DNAH12: variants seen among roughly 807,000 people sequenced by gnomAD.
The protein encoded by DNAH12 is dynein axonemal heavy chain 12, also known as axonemal beta dynein heavy chain 12.
DNAH12 carries 285 observed loss-of-function variants against 371.5 expected under a neutral mutation model. The ratio of observed to expected loss-of-function variants is 0.77; its 90% CI spans 0.70 to 0.85. The LOEUF is 0.85. Among genes scored for constraint, DNAH12 ranks in the 40% least tolerant of loss-of-function variants. DNAH12 has a pLI of 0.00. For synonymous variants in DNAH12, 1,200 were observed against 1,213.0 expected (o/e 0.99, Z 0.22); for missense variants, 3,611 against 3,689.4 (o/e 0.98, Z 0.55).
chr3:57,550,843 T>G, the DNAH12 span, among the ~76,000 whole-genome samples: 1 of 151,726 alleles, frequency 6.6e-6, no homozygotes, highest in African/African-American at 2.4e-5. Flanking sequence ...GCAAAAGTTT[T>G]TCATTTTTTT....
At chr3:57,519,740 G>A in intron 4 of DNAH12, 1 of 1,610,908 alleles carries the variant, frequency 6.2e-7, no homozygotes, top group Non-Finnish European at 8.5e-7. Flanking sequence ...TTCACCCACA[G>A]GGACATGCAG....
intron 69 of DNAH12, among the ~76,000 whole-genome samples, chr3:57,305,563 C>T (rs1411259811): frequency 2.0e-5 from 3 of 152,120 alleles, no homozygotes. Flanking sequence ...CTTTATCCCA[C>T]TTCTCCCAAA....
chr3:57,421,803 C>T, intron 35 of DNAH12, 97 bp from the exon 36 acceptor site: 1 of 1,331,660 alleles, frequency 7.5e-7, no homozygotes. Context: ...ATATGCTCAA[C>T]TTACTTGAAC....
At chr3:57,502,618 C>G (rs559093872) in intron 9 of DNAH12, 139 bp from the exon 10 acceptor site, 1 of 837,824 alleles carries the variant, frequency 1.2e-6, no homozygotes, top group African/African-American at 1.7e-5. Context: ...GGTGCGATCT[C>G]GGCTCACTGC....
intron 62 of DNAH12, among the ~76,000 whole-genome samples, chr3:57,330,846 C>G (rs966577736): frequency 1.3e-5 from 2 of 152,132 alleles, no homozygotes; most frequent in Non-Finnish European, 2.9e-5. Flanking sequence ...GCTTACCATG[C>G]AGATTCACCA....
At chr3:57,534,511 T>TC (rs2068960763) in intron 2 of DNAH12, among the ~76,000 whole-genome samples, 1 of 146,208 alleles carries the variant, frequency 6.8e-6, no homozygotes, top group Non-Finnish European at 1.5e-5. Context: ...TAGCTAGCTT[T>TC]TTTTTTTTTT....
intron 27 of DNAH12, 128 bp from the exon 28 acceptor site, chr3:57,445,547 A>AT (rs2065458758): frequency 2.4e-6 from 2 of 825,866 alleles, no homozygotes; most frequent in African/African-American, 1.8e-5. Flanking sequence ...TCTAAACTCT[A>AT]ATTTTTTTTA....
intron 43 of DNAH12, among the ~76,000 whole-genome samples, chr3:57,403,076 C>T (rs75837360): frequency 0.024 from 3,605 of 152,240 alleles, 65 homozygotes; most frequent in Admixed American, 0.035. Context: ...GACAACCCAC[C>T]TGCTGCATTG....
intron 60 of DNAH12, 38 bp from the exon 61 acceptor site, chr3:57,334,978 A>G: frequency 6.6e-7 from 1 of 1,514,060 alleles, no homozygotes; most frequent in South Asian, 1.3e-5. Flanking sequence ...ATAATTGTTG[A>G]TTTTAAAATT....
the DNAH12 span, among the ~76,000 whole-genome samples, chr3:57,551,490 C>T: frequency 6.6e-6 from 1 of 151,888 alleles, no homozygotes; most frequent in Admixed American, 6.6e-5. Flanking sequence ...CCAGGATGGT[C>T]TCAATCTCCT....
chr3:57,418,287 C>T (rs2064445378), intron 37 of DNAH12, among the ~76,000 whole-genome samples: 1 of 141,968 alleles, frequency 7.0e-6, no homozygotes, highest in Non-Finnish European at 1.5e-5. Context: ...ACGGTGTAAT[C>T]CTAGCACTTT....
rs188330730 is a variant in DNAH12, at chr3:57,314,450, T to G, written c.10662+44A>C. ...AGCAAAAGACTTGCCTAGGGCCTGATAAATAGTGATCCTTCATGAATGTTA... is the reference window on the plus strand; with the variant it reads ...AGCAAAAGACTTGCCTAGGGCCTGAGAAATAGTGATCCTTCATGAATGTTA... On this transcript the variant is annotated intron_variant, in intron 66 of 73. Coordinates refer to ENST00000495027, the MANE Select transcript of DNAH12 (RefSeq NM_001366028.2). 112 of 1,549,718 alleles carry G rather than the reference T, an allele frequency of 7.2e-5. No homozygotes were observed. The East Asian group carries it at 2.7e-3, about 37-fold the overall frequency.
At chr3:57,384,412 G>A (rs2153344642) in intron 49 of DNAH12, among the ~76,000 whole-genome samples, 1 of 152,252 alleles carries the variant, frequency 6.6e-6, no homozygotes, top group East Asian at 1.9e-4. Context: ...CAAGGTGGGA[G>A]GATCGCTTGA....
chr3:57,326,088 G>A (rs1392938641), intron 62 of DNAH12, among the ~76,000 whole-genome samples: 5 of 152,244 alleles, frequency 3.3e-5, no homozygotes, highest in South Asian at 2.1e-4. Context: ...TCTGATTGGT[G>A]TACTTGAAAG....
At chr3:57,393,081 G>A (rs899507222) in intron 44 of DNAH12, among the ~76,000 whole-genome samples, 57 of 152,156 alleles carry the variant, frequency 3.7e-4, no homozygotes, top group African/African-American at 1.4e-3. Context: ...AGCTGTGTAA[G>A]TGCCTGACAC....
chr3:57,302,529 G>GTTCATATA lies in DNAH12; in HGVS notation c.11190-591_11190-590insTATATGAA, dbSNP rs879293648. Among the ~76,000 whole-genome samples the GTTCATATA allele has an allele frequency of 2.5e-3, 121 of 47,852 alleles. 5 individuals are homozygous for GTTCATATA. Among genetic ancestry groups the GTTCATATA allele is most frequent in the African/African-American group, 9.0e-3 (106 of 11,764 alleles). The allele number at this position is 47,852 out of a possible 152,430, so 31.4% of individuals were successfully genotyped here. A position where few individuals can be genotyped will look rare whatever the true frequency, so the allele number is the denominator to read the frequency against. On this transcript the variant is annotated intron_variant, in intron 69 of 73. Coordinates refer to ENST00000495027, the MANE Select transcript of DNAH12 (RefSeq NM_001366028.2). ...TGCTGAATTAACTAAGGCATCAGGT[G>GTTCATATA]TATATATATATATATATATATATAT...
chr3:57,390,424 A>AAAAAAAAAAAAAATAT, intron 45 of DNAH12, among the ~76,000 whole-genome samples: 1 of 33,422 alleles, frequency 3.0e-5, no homozygotes, highest in Admixed American at 5.6e-4. Flanking sequence ...AAAAAAAAAA[A>AAAAAAAAAAAAAATAT]ATATATATAT....
intron 4 of DNAH12, chr3:57,519,536 C>T: frequency 1.7e-6 from 1 of 601,848 alleles, no homozygotes; most frequent in Non-Finnish European, 3.1e-6. Flanking sequence ...TTGATGTGTC[C>T]CAAAGGACCA....
In DNAH12 at chr3:57,405,918, G is replaced by T; in HGVS notation, c.6311C>A (p.Thr2104Asn). The T allele has an allele frequency of 6.5e-7, 1 of 1,546,890 alleles. No homozygotes were observed. Among genetic ancestry groups the T allele is most frequent in the South Asian group, 1.2e-5 (1 of 84,012 alleles). The change falls in exon 41 of 74, where the codon ACT becomes AAT. Residue 2104 changes from threonine to asparagine, a missense_variant. Coordinates refer to ENST00000495027, the MANE Select transcript of DNAH12 (RefSeq NM_001366028.2). ...YKQSVENLLP[T>N]PTKSHYTFNL... ...GAAAGTATAATGGGATTTTGTGGGA[G>T]TGGGTAAAAGATTTTCCACAGATTG...
Sources: allele counts gnomAD v4.1 joint callset (sites outside exome capture counted in the v4.1 genomes callset), GRCh38; gene constraint gnomAD v4.1.1; transcripts MANE v1.5; gene names NCBI Gene and HGNC (gene_info 2026-07-23, HGNC 2026-07-21).